Variants in THTPA observed in about 807,000 individuals in gnomAD.
THTPA encodes thiamine triphosphatase, also known as thiamine-triphosphatase.
Under a neutral mutation model 16.5 loss-of-function variants are expected in THTPA, and 16 were observed. The observed-to-expected ratio is 0.97, with a 90% confidence interval of 0.66 to 1.47. The LOEUF (loss-of-function observed/expected upper bound fraction) is 1.47, where lower values mean the gene tolerates loss of function less well. Ranked by LOEUF, THTPA falls within the 40% of genes most tolerant of loss-of-function variation. The pLI is 0.00. For missense variants in THTPA, 281 were observed against 280.9 expected, an observed-to-expected ratio of 1.00 and a Z score of 0.00; for synonymous variants, 110 against 115.5, an observed-to-expected ratio of 0.95 and a Z score of 0.30.
chr14:23,531,841 G>A, the THTPA span: 1 of 1,208,844 alleles, frequency 8.3e-7, no homozygotes. Flanking sequence ...GCAGTGGCAT[G>A]ATCTCTACTC....
At chr14:23,526,180 T>C in the THTPA span, 16 of 1,536,352 alleles carry the variant, frequency 1.0e-5, no homozygotes, top group Non-Finnish European at 1.4e-5. Context: ...TGTAGGAGAC[T>C]CTGCAGACTG....
chr14:23,534,981 G>A, the THTPA span: 6 of 1,536,168 alleles, frequency 3.9e-6, no homozygotes, highest in Non-Finnish European at 5.2e-6. This position sits in a 1 kb window ranked among gnomAD's most constrained non-coding sequence, Gnocchi z 4.5. Flanking sequence ...CAGCTGTGAA[G>A]AATAAGTGGT....
the THTPA span, chr14:23,523,287 T>C: frequency 7.0e-7 from 1 of 1,438,444 alleles, no homozygotes; most frequent in Non-Finnish European, 9.1e-7. This position sits in a 1 kb window ranked among gnomAD's most constrained non-coding sequence, Gnocchi z 4.1. Context: ...CGAGGCAAGG[T>C]TGGGGCAGCC....
chr14:23,532,633 G>A, the THTPA span: 1 of 1,468,278 alleles, frequency 6.8e-7, no homozygotes. Context: ...TCTCCTTGCT[G>A]TTGGACTCAA....
the THTPA span, among the ~76,000 whole-genome samples, chr14:23,519,225 A>G: frequency 6.6e-6 from 1 of 152,160 alleles, no homozygotes; most frequent in Non-Finnish European, 1.5e-5. Flanking sequence ...AAGTTGGCTG[A>G]AATCCTTAAG....
At chr14:23,551,708 G>A, upstream of THTPA, 1 of 153,098 alleles carries the variant, frequency 6.5e-6, no homozygotes, top group Non-Finnish European at 1.4e-5. This position sits in a 1 kb window ranked among gnomAD's most constrained non-coding sequence, Gnocchi z 5.3. Flanking sequence ...CCTCCTCCTC[G>A]CCCTCACTCC....
At chr14:23,518,446 T>C in the THTPA span, among the ~76,000 whole-genome samples, 1 of 152,250 alleles carries the variant, frequency 6.6e-6, no homozygotes, top group African/African-American at 2.4e-5. The surrounding 1 kb of genome is among the most constrained non-coding windows in gnomAD (Gnocchi z 4.5). Context: ...GATTTCTTTA[T>C]GTGGTTCCTG....
At chr14:23,540,896 CTT>C in the THTPA span, among the ~76,000 whole-genome samples, 1,086 of 152,102 alleles carry the variant, frequency 7.1e-3, 13 homozygotes, top group African/African-American at 0.024. Flanking sequence ...CTGTTCACCC[CTT>C]TTTCTTTTTT....
the THTPA span, chr14:23,524,605 G>A: frequency 6.5e-7 from 1 of 1,536,320 alleles, no homozygotes; most frequent in Non-Finnish European, 8.7e-7. This position sits in a 1 kb window ranked among gnomAD's most constrained non-coding sequence, Gnocchi z 5.6. Flanking sequence ...GGTCCTGGCT[G>A]GAGAAAGAAA....
At chr14:23,526,081 CCCTT>C in the THTPA span, 1 of 1,536,492 alleles carries the variant, frequency 6.5e-7, no homozygotes, top group Non-Finnish European at 8.7e-7. Flanking sequence ...TGCGTTCTGG[CCCTT>C]CAATCTTGGA....
the THTPA span, among the ~76,000 whole-genome samples, chr14:23,550,666 C>T: frequency 9.4e-4 from 143 of 152,266 alleles, no homozygotes; most frequent in African/African-American, 3.3e-3. Flanking sequence ...GAGGGGCAGA[C>T]GAGCGGATGG....
At chr14:23,536,499 T>A in the THTPA span, among the ~76,000 whole-genome samples, 1 of 152,162 alleles carries the variant, frequency 6.6e-6, no homozygotes, top group Non-Finnish European at 1.5e-5. Flanking sequence ...TAACAGCTAG[T>A]CGGTTGCCTC....
chr14:23,555,356 C>A (rs527903359), upstream of THTPA, among the ~76,000 whole-genome samples: 69 of 152,246 alleles, frequency 4.5e-4, no homozygotes, highest in South Asian at 1.0e-3. Context: ...GCTTAGGGAC[C>A]GCTGGAAACT....
At chr14:23,532,359 T>G in the THTPA span, 1 of 572,196 alleles carries the variant, frequency 1.7e-6, no homozygotes, top group Non-Finnish European at 2.7e-6. Context: ...ATAAAGTCTG[T>G]TTCACTTGTC....
At chr14:23,532,710 A>G in the THTPA span, 1 of 1,534,224 alleles carries the variant, frequency 6.5e-7, no homozygotes, top group African/African-American at 1.4e-5. Flanking sequence ...TCTCCCAGGG[A>G]TGCTGGGGAA....
At chr14:23,525,234 G>T in the THTPA span, 1 of 1,536,052 alleles carries the variant, frequency 6.5e-7, no homozygotes, top group Non-Finnish European at 8.7e-7. The surrounding 1 kb of genome is among the most constrained non-coding windows in gnomAD (Gnocchi z 5.9). Context: ...CCCCCTGCTC[G>T]ACTTCGCTCT....
chr14:23,546,335 C>G, the THTPA span, among the ~76,000 whole-genome samples: 2 of 152,186 alleles, frequency 1.3e-5, no homozygotes, highest in African/African-American at 4.8e-5. The surrounding 1 kb of genome is among the most constrained non-coding windows in gnomAD (Gnocchi z 4.7). Flanking sequence ...CTCCTGTTCT[C>G]TCATTAGACT....
In THTPA at chr14:23,559,008, C is replaced by A; in HGVS notation, c.*168C>A. 1.2e-6 allele frequency: 1 copy of A among 801,904 alleles called. No homozygotes were observed. Among genetic ancestry groups the A allele is most frequent in the Non-Finnish European group, 1.9e-6 (1 of 521,758 alleles). 49.7% of individuals were successfully genotyped at this position (801,904 alleles called of 1,614,324 possible). A position where few individuals can be genotyped will look rare whatever the true frequency, so the allele number is the denominator to read the frequency against. On this transcript the variant is annotated 3_prime_UTR_variant, in exon 2 of 2. Coordinates refer to ENST00000288014, the MANE Select transcript of THTPA (RefSeq NM_024328.6). Reference sequence around the variant, plus strand: ...CTACTCTTCCTTGAGCCCTCCCTGGCTGCTTCCTCTCGCTCATCCGTCAGA... The same window carrying A: ...CTACTCTTCCTTGAGCCCTCCCTGGATGCTTCCTCTCGCTCATCCGTCAGA...
At chr14:23,526,112 C>T in the THTPA span, 33 of 1,536,364 alleles carry the variant, frequency 2.1e-5, no homozygotes, top group East Asian at 1.2e-4. Context: ...CTTGGTTCCC[C>T]GAGAGCGAGT....
Sources: allele counts gnomAD v4.1 joint callset (sites outside exome capture counted in the v4.1 genomes callset), GRCh38; gene constraint gnomAD v4.1.1; non-coding constraint Gnocchi (gnomAD v3.1); transcripts MANE v1.5; gene names NCBI Gene and HGNC (gene_info 2026-07-23, HGNC 2026-07-21).